SRXN1: variants seen among roughly 807,000 people sequenced by gnomAD.
SRXN1 encodes the protein sulfiredoxin 1, also known as sulfiredoxin-1.
A neutral mutation model predicts 11.0 loss-of-function variants in SRXN1; 11 were observed. The ratio of observed to expected loss-of-function variants is 1.00; its 90% CI spans 0.63 to 1.65. The LOEUF (loss-of-function observed/expected upper bound fraction) is 1.65. Among genes scored for constraint, SRXN1 ranks in the 40% most tolerant of loss-of-function variants. The pLI is 0.00. For synonymous variants in SRXN1, 106 were observed against 92.8 expected, an observed-to-expected ratio of 1.14 and a Z score of -0.82; for missense variants, 211 against 194.5, an observed-to-expected ratio of 1.08 and a Z score of -0.50.
chr20:651,585 G>A (rs987881448), intron 1 of SRXN1, among the ~76,000 whole-genome samples: 4 of 152,038 alleles, frequency 2.6e-5, no homozygotes, highest in Admixed American at 2.0e-4. Flanking sequence ...TTGGGAGGCT[G>A]AGGCAGGAGA....
Position 648,640 on chromosome 20 carries a change from G to C in SRXN1, c.*74C>G, listed in dbSNP as rs995448473. ...AGAATGCACCCCTGCTATCCCTTCT[G>C]CATGGCCCAGCCTGCTGGAGGCCAG... On this transcript the variant is annotated 3_prime_UTR_variant, in exon 2 of 2. Transcript: ENST00000381962. 3.9e-6 allele frequency: 6 copies of C among 1,543,804 alleles called. No homozygotes were observed. Among genetic ancestry groups the C allele is most frequent in the Middle Eastern group, 1.7e-4 (1 of 5,842 alleles).
intron 1 of SRXN1, among the ~76,000 whole-genome samples, chr20:650,189 C>G (rs1381546390): frequency 6.6e-6 from 1 of 152,148 alleles, no homozygotes; most frequent in African/African-American, 2.4e-5. Context: ...TGATCTGATG[C>G]ATGTTCTAGA....
chr20:648,849 G>A lies in SRXN1; in HGVS notation c.279C>T (p.Phe93=). Residue 93 remains phenylalanine (F), a synonymous_variant, in exon 2 of 2, where the codon TTC becomes TTT. Coordinates refer to ENST00000381962, the MANE Select transcript of SRXN1 (RefSeq NM_080725.3). ...WIKGAQGGDY[F]YSFGGCHRYA... Reference sequence around the variant, plus strand: ...AGCGGTGGCAGCCCCCAAAGGAGTAGAAGTAGTCACCTCCCTGGGCCCCTT... The same window carrying A: ...AGCGGTGGCAGCCCCCAAAGGAGTAAAAGTAGTCACCTCCCTGGGCCCCTT... The A allele has an allele frequency of 6.2e-7, 1 of 1,613,938 alleles. No homozygotes were observed. Among genetic ancestry groups the A allele is most frequent in the Non-Finnish European group, 8.5e-7 (1 of 1,180,042 alleles).
At position 653,025 on chromosome 20, in the gene SRXN1, G is replaced by C; in HGVS notation, c.161C>G (p.Pro54Arg). 1 of 1,572,158 alleles carries C rather than the reference G, an allele frequency of 6.4e-7. No individual in the cohort carries two copies. Among genetic ancestry groups the C allele is most frequent in the Non-Finnish European group, 8.6e-7 (1 of 1,162,414 alleles). ...CACCTTGGCGGGGTCCAACACGGAC[G>C]GCAGCGGCCGGATGAGCACGCTCAG... ...VPLSVLIRPL[P>R]SVLDPAKVQS... The change falls in exon 1 of 2, where the codon CCG becomes CGG. Residue 54 changes from proline to arginine, a missense_variant. Coordinates refer to ENST00000381962, the MANE Select transcript of SRXN1 (RefSeq NM_080725.3).
rs1182688094 is a variant in SRXN1 at position 648,388 on chromosome 20, C to A, written c.*326G>T. ...TGAATGTAGTCCATATAAGAGGTTACATAGACAAAAATGCAGAGGGATCCT... is the reference window on the plus strand; with the variant it reads ...TGAATGTAGTCCATATAAGAGGTTAAATAGACAAAAATGCAGAGGGATCCT... On this transcript the variant is annotated 3_prime_UTR_variant, in exon 2 of 2. Transcript: ENST00000381962. The A allele has an allele frequency of 1.9e-6, 1 of 526,264 alleles. No homozygotes were observed. The highest frequency in any genetic ancestry group is 1.5e-5 in the South Asian group (1 of 65,200). 32.6% of individuals were successfully genotyped at this position (526,264 alleles called of 1,614,324 possible).
chr20:649,656 C>G (rs56294495), intron 1 of SRXN1, among the ~76,000 whole-genome samples: 1 of 150,618 alleles, frequency 6.6e-6, no homozygotes. Flanking sequence ...GAGCTGAGAT[C>G]GCACCATTGC....
intron 1 of SRXN1, 90 bp from the exon 2 acceptor site, chr20:649,007 T>A: frequency 7.3e-7 from 1 of 1,376,478 alleles, no homozygotes; most frequent in Non-Finnish European, 1.0e-6. Flanking sequence ...GAGCTCCTTA[T>A]AAGGTGATCA....
intron 1 of SRXN1, among the ~76,000 whole-genome samples, chr20:649,423 C>T (rs1028032613): frequency 6.6e-5 from 10 of 152,266 alleles, no homozygotes; most frequent in South Asian, 4.1e-4. Flanking sequence ...GAAGTGGGGC[C>T]GGGCACGGTG....
chr20:646,660 G>A lies in SRXN1; in HGVS notation c.*2054C>T, dbSNP rs1446745586. The A allele has an allele frequency of 5.3e-5, 8 of 149,594 alleles. No homozygotes were observed. The highest frequency in any genetic ancestry group is 1.2e-4 in the Non-Finnish European group (8 of 67,766). 9.3% of individuals were successfully genotyped at this position (149,594 alleles called of 1,614,324 possible). On this transcript the variant is annotated 3_prime_UTR_variant, in exon 2 of 2. Transcript: ENST00000381962. ...AAACTTTTATTTTGGAATGATACTAGATTTACAGAGAAGTTGCAGAGATAG... is the reference window on the plus strand; with the variant it reads ...AAACTTTTATTTTGGAATGATACTAAATTTACAGAGAAGTTGCAGAGATAG...
chr20:648,727 G>GGT lies in SRXN1; in HGVS notation c.399_400dup (p.Pro134HisfsTer34). 1 of 1,614,220 alleles carries GGT rather than the reference G, an allele frequency of 6.2e-7. No individual in the cohort carries two copies. Among genetic ancestry groups the GGT allele is most frequent in the South Asian group, 1.1e-5 (1 of 91,080 alleles). Reference sequence around the variant, plus strand: ...CCAAGGAGGCTGCTACTGCAAGTCTGGTGTGGATGCTCCCAGGTACACCCT... The same window carrying GGT: ...CCAAGGAGGCTGCTACTGCAAGTCTGGTGTGTGGATGCTCCCAGGTACACCCT... On this transcript the variant is annotated frameshift_variant, in exon 2 of 2. Coordinates refer to ENST00000381962, the MANE Select transcript of SRXN1 (RefSeq NM_080725.3). LOFTEE classifies it high-confidence loss of function.
chr20:652,922 A>AGC (rs1568641860), intron 1 of SRXN1, 54 bp downstream of exon 1: 46 of 1,180,538 alleles, frequency 3.9e-5, no homozygotes, highest in East Asian at 1.6e-4. Flanking sequence ...TCCTCCGGCA[A>AGC]CCTCCCTCCT....
rs1405799331 is a variant in SRXN1 at position 653,100 on chromosome 20, T to C, written c.86A>G (p.Gln29Arg). 95 of 1,440,864 alleles carry C rather than the reference T, an allele frequency of 6.6e-5. No individual in the cohort carries two copies. The highest frequency in any genetic ancestry group is 8.4e-5 in the Non-Finnish European group (92 of 1,098,942). 89.3% of individuals were successfully genotyped at this position (1,440,864 alleles called of 1,614,324 possible). ...GCGGCCCGAGTGGATGCTGCCGCCCTGCGCGCCGCCGCTCGGCCCGGGCCC... is the reference window on the plus strand; with the variant it reads ...GCGGCCCGAGTGGATGCTGCCGCCCCGCGCGCCGCCGCTCGGCCCGGGCCC... ...PEGPGPSGGAQGGSIHSGRIA... is the reference protein window; with the variant it reads ...PEGPGPSGGARGGSIHSGRIA... Residue 29 changes from glutamine to arginine, a missense_variant, in exon 1 of 2, where the codon CAG becomes CGG. Coordinates refer to ENST00000381962, the MANE Select transcript of SRXN1 (RefSeq NM_080725.3).
Position 648,792 on chromosome 20 carries a change from G to C in SRXN1, c.336C>G (p.Thr112=). The C allele has an allele frequency of 6.2e-7, 1 of 1,614,232 alleles. No homozygotes were observed. Among genetic ancestry groups the C allele is most frequent in the Non-Finnish European group, 8.5e-7 (1 of 1,180,034 alleles). ...TGGACTGGACAAGCTTGGCGGGGATGGTCTCTCGCTGCAGTTGCTGGTAGG... is the reference window on the plus strand; with the variant it reads ...TGGACTGGACAAGCTTGGCGGGGATCGTCTCTCGCTGCAGTTGCTGGTAGG... ...YAAYQQLQRE[T]IPAKLVQSTL... is the part of the protein sequence containing the mutation. The change falls in exon 2 of 2, where the codon ACC becomes ACG. Residue 112 remains threonine, a synonymous_variant. Transcript: ENST00000381962.
Position 653,043 on chromosome 20 carries a change from A to G in SRXN1, c.143T>C (p.Val48Ala). 3 of 1,565,764 alleles carry G rather than the reference A, an allele frequency of 1.9e-6. No homozygotes were observed. The highest frequency in any genetic ancestry group is 2.6e-6 in the Non-Finnish European group (3 of 1,159,856). The change falls in exon 1 of 2, where the codon GTG (valine) becomes GCG (alanine). Residue 48 changes from valine (V) to alanine (A), a missense_variant. Transcript: ENST00000381962. ...IAAVHNVPLSVLIRPLPSVLD... is the reference protein window; with the variant it reads ...IAAVHNVPLSALIRPLPSVLD... ...CACGGACGGCAGCGGCCGGATGAGC[A>G]CGCTCAGCGGCACGTTGTGCACCGC... is the stretch of plus-strand genomic sequence containing the variant.
Position 647,863 on chromosome 20 carries a change from C to T in SRXN1, c.*851G>A, listed in dbSNP as rs1248261412. 2 of 352,168 alleles carry T rather than the reference C, an allele frequency of 5.7e-6. No homozygotes were observed. The highest frequency in any genetic ancestry group is 5.6e-6 in the Non-Finnish European group (1 of 178,432). 21.8% of individuals were successfully genotyped at this position (352,168 alleles called of 1,614,324 possible). On this transcript the variant is annotated 3_prime_UTR_variant, in exon 2 of 2. Transcript: ENST00000381962. ...AACTGGTACACAATTCTGCATTTCT[C>T]TCTTGGTAATGGGATCCCAGTTTTA...
chr20:648,377 A>G lies in SRXN1; in HGVS notation c.*337T>C, dbSNP rs932915489. 4.0e-6 allele frequency: 2 copies of G among 505,888 alleles called. No homozygotes were observed. The highest frequency in any genetic ancestry group is 5.4e-5 in the East Asian group (1 of 18,386). 31.3% of individuals were successfully genotyped at this position (505,888 alleles called of 1,614,324 possible). A position where few individuals can be genotyped will look rare whatever the true frequency, so the allele number is the denominator to read the frequency against. ...TTCCTTGCAGCTGAATGTAGTCCAT[A>G]TAAGAGGTTACATAGACAAAAATGC... On this transcript the variant is annotated 3_prime_UTR_variant, in exon 2 of 2. Transcript: ENST00000381962.
chr20:651,184 C>T (rs920991391), intron 1 of SRXN1, among the ~76,000 whole-genome samples: 4 of 152,182 alleles, frequency 2.6e-5, no homozygotes, highest in African/African-American at 7.2e-5. Flanking sequence ...GGATTCTCCC[C>T]TAGAGCCTAC....
At chr20:651,977 G>A (rs1277116252) in intron 1 of SRXN1, among the ~76,000 whole-genome samples, 3 of 152,202 alleles carry the variant, frequency 2.0e-5, no homozygotes, top group Non-Finnish European at 4.4e-5. Flanking sequence ...TCGCCCTTGT[G>A]GAGTGCACGT....
Position 648,384 on chromosome 20 carries a change from G to T in SRXN1, c.*330C>A, listed in dbSNP as rs1386800251. 1 of 519,932 alleles carries T rather than the reference G, an allele frequency of 1.9e-6. No homozygotes were observed. Among genetic ancestry groups the T allele is most frequent in the South Asian group, 1.5e-5 (1 of 65,134 alleles). 32.2% of individuals were successfully genotyped at this position (519,932 alleles called of 1,614,324 possible). ...CAGCTGAATGTAGTCCATATAAGAG[G>T]TTACATAGACAAAAATGCAGAGGGA... On this transcript the variant is annotated 3_prime_UTR_variant, in exon 2 of 2. Coordinates refer to ENST00000381962, the MANE Select transcript of SRXN1 (RefSeq NM_080725.3).
Sources: allele counts gnomAD v4.1 joint callset (sites outside exome capture counted in the v4.1 genomes callset), GRCh38; gene constraint gnomAD v4.1.1; transcripts MANE v1.5; gene names NCBI Gene and HGNC (gene_info 2026-07-23, HGNC 2026-07-21).